The following ABCA13 variants were observed in gnomAD, a reference collection of about 807,000 sequenced individuals.
ABCA13 encodes the protein ATP-binding cassette sub-family A member 13.
ABCA13 carries 476 observed loss-of-function variants against 478.7 expected under a neutral mutation model. That is an observed-to-expected ratio of 0.99 (90% CI 0.92 to 1.07). The LOEUF (loss-of-function observed/expected upper bound fraction) is 1.07. Ranked by LOEUF, ABCA13 falls within the 50% of genes least tolerant of loss-of-function variation. The probability of loss-of-function intolerance (pLI) is 0.00; values close to 1 mark genes in which losing one functional copy is unlikely to be tolerated. For missense variants in ABCA13, 6,060 were observed against 5,910.6 expected, an observed-to-expected ratio of 1.03 and a Z score of -0.83; for synonymous variants, 2,252 against 2,158.9, an observed-to-expected ratio of 1.04 and a Z score of -1.20.
intron 32 of ABCA13, among the ~76,000 whole-genome samples, chr7:48,369,012 C>T (rs1329148340): frequency 2.0e-5 from 3 of 152,044 alleles, no homozygotes; most frequent in African/African-American, 7.2e-5. Flanking sequence ...AATTTACATT[C>T]CCACCAACAG....
intron 43 of ABCA13, among the ~76,000 whole-genome samples, chr7:48,457,428 T>C (rs987051455): frequency 6.6e-6 from 1 of 152,186 alleles, no homozygotes; most frequent in East Asian, 1.9e-4. Flanking sequence ...CCATTTTCAG[T>C]TGACTCCAGA....
intron 41 of ABCA13, among the ~76,000 whole-genome samples, chr7:48,426,719 C>A (rs1465013781): frequency 1.3e-5 from 2 of 152,102 alleles, no homozygotes; most frequent in Non-Finnish European, 2.9e-5. Context: ...GAGAGAGTGG[C>A]AATGCACAGT....
At chr7:48,362,816 TA>T in intron 31 of ABCA13, among the ~76,000 whole-genome samples, 1 of 152,122 alleles carries the variant, frequency 6.6e-6, no homozygotes, top group Non-Finnish European at 1.5e-5. Context: ...CTGGTATTGT[TA>T]ATCTTACTTA....
intron 42 of ABCA13, among the ~76,000 whole-genome samples, chr7:48,440,355 A>G (rs2129163484): frequency 6.6e-6 from 1 of 152,222 alleles, no homozygotes; most frequent in Middle Eastern, 3.4e-3. Flanking sequence ...AAGGAATCAT[A>G]CAGTATATAT....
rs1796255384 is a variant in ABCA13 at position 48,276,011 on chromosome 7, A to G, written c.6345A>G (p.Thr2115=). The G allele has an allele frequency of 9.9e-6, 16 of 1,611,610 alleles. No homozygotes were observed. The East Asian group carries it at 2.0e-4, about 20-fold the overall frequency. Reference sequence around the variant, plus strand: ...TCCTGGATTCACCGTCATTGAAGACATTAGAAATTATTGAAGATTTTCTAT... The same window carrying G: ...TCCTGGATTCACCGTCATTGAAGACGTTAGAAATTATTGAAGATTTTCTAT... ...LEILDSPSLK[T]LEIIEDFLLV... Residue 2115 remains threonine, a synonymous_variant, in exon 17 of 62, where the codon ACA becomes ACG. Transcript: ENST00000435803.
chr7:48,204,309 A>C lies in ABCA13; in HGVS notation c.287+5949A>C, dbSNP rs986990941. On this transcript the variant is annotated intron_variant, in intron 3 of 61. Coordinates refer to ENST00000435803, the MANE Select transcript of ABCA13 (RefSeq NM_152701.5). ...ACTGCAACCTCCGCCTCCCGGGTTC[A>C]AGCGATTCTCCTGCCTCAACCTCCT... Among the ~76,000 whole-genome samples, 5 of 151,568 alleles carry C rather than the reference A, an allele frequency of 3.3e-5. No individual in the cohort carries two copies. The East Asian group carries it at 9.8e-4, about 30-fold the overall frequency.
At chr7:48,623,271 C>T (rs567651195) in intron 59 of ABCA13, among the ~76,000 whole-genome samples, 2 of 152,282 alleles carry the variant, frequency 1.3e-5, no homozygotes, top group East Asian at 1.9e-4. Context: ...CTGAGAGACA[C>T]CTCTTGTCAG....
At chr7:48,179,640 C>T (rs974865574) in intron 1 of ABCA13, among the ~76,000 whole-genome samples, 1 of 152,144 alleles carries the variant, frequency 6.6e-6, no homozygotes, top group Admixed American at 6.5e-5. Context: ...AGCCAGGAGG[C>T]ACGGTGCTCT....
intron 8 of ABCA13, 50 bp from the exon 9 acceptor site, chr7:48,239,191 G>A (rs745550291): frequency 1.1e-5 from 18 of 1,592,532 alleles, no homozygotes; most frequent in Non-Finnish European, 1.4e-5. Flanking sequence ...GAAGAGGAAG[G>A]TTCTAGGAAA....
At chr7:48,427,999 AG>A (rs1261299845) in intron 42 of ABCA13, 128 bp downstream of exon 42, 5 of 559,094 alleles carry the variant, frequency 8.9e-6, no homozygotes, top group Non-Finnish European at 1.2e-5. Context: ...GTGTATAGTG[AG>A]GGGGCAAGTA....
intron 19 of ABCA13, among the ~76,000 whole-genome samples, chr7:48,284,460 A>G (rs1427935694): frequency 6.6e-6 from 1 of 152,248 alleles, no homozygotes; most frequent in African/African-American, 2.4e-5. Context: ...TGGTTGGTAC[A>G]TGATTTCAGC....
rs549288853 is a variant in ABCA13, at chr7:48,399,213, C to G, written c.11874-4470C>G. Reference sequence around the variant, plus strand: ...AGTGAGGTCAAGAGAAAAAATGCTCCTCTTCCATTCAAATAATTCAAAGAC... The same window carrying G: ...AGTGAGGTCAAGAGAAAAAATGCTCGTCTTCCATTCAAATAATTCAAAGAC... On this transcript the variant is annotated intron_variant, in intron 38 of 61. Coordinates refer to ENST00000435803, the MANE Select transcript of ABCA13 (RefSeq NM_152701.5). Among the ~76,000 whole-genome samples the G allele has an allele frequency of 2.0e-5, 3 of 152,318 alleles. No individual in the cohort carries two copies. The South Asian group carries it at 6.2e-4, about 32-fold the overall frequency.
chr7:48,282,772 G>A (rs1486153466), intron 19 of ABCA13, among the ~76,000 whole-genome samples: 3 of 152,062 alleles, frequency 2.0e-5, no homozygotes, highest in Non-Finnish European at 4.4e-5. Flanking sequence ...GGGTCACATG[G>A]CCTTAGCTCC....
chr7:48,426,154 C>CTTA (rs1221354659), intron 41 of ABCA13, among the ~76,000 whole-genome samples: 1 of 151,940 alleles, frequency 6.6e-6, no homozygotes, highest in Admixed American at 6.5e-5. Context: ...CATTCTTCTT[C>CTTA]TTATTATTAT....
At chr7:48,346,554 CTATTTTCTAGTTGT>C in intron 29 of ABCA13, among the ~76,000 whole-genome samples, 1 of 150,504 alleles carries the variant, frequency 6.6e-6, no homozygotes, top group South Asian at 2.1e-4. Context: ...TTTTGGTTTT[CTATTTTCTAGTTGT>C]TATGCTTACT....
chr7:48,273,602 T>G lies in ABCA13; in HGVS notation c.3936T>G (p.Asn1312Lys). The G allele has an allele frequency of 6.3e-7, 1 of 1,594,432 alleles. No homozygotes were observed. ...CAATAAATGACTTTCTTTCAAATAA[T>G]CTCACAAATTATGGAGAAAAATTTG... Reference protein sequence around the residue: ...LDSINDFLSNNLTNYGEKFEN... With the variant: ...LDSINDFLSNKLTNYGEKFEN... Residue 1312 changes from asparagine to lysine, a missense_variant, in exon 17 of 62, where the codon AAT becomes AAG. Around this residue, in one of 3 missense-constraint regions of ABCA13, gnomAD observed 4,423 missense variants for 4,309.1 expected, o/e 1.03. Transcript: ENST00000435803.
chr7:48,616,967 G>A (rs1024242308), intron 59 of ABCA13, among the ~76,000 whole-genome samples: 54 of 152,260 alleles, frequency 3.5e-4, no homozygotes, highest in African/African-American at 1.2e-3. Flanking sequence ...CCAAGAGATC[G>A]AGGCTGCAGT....
rs765688932 is a variant in ABCA13, at chr7:48,391,995, T to C, written c.11729T>C (p.Leu3910Pro). 3 of 1,614,004 alleles carry C rather than the reference T, an allele frequency of 1.9e-6. No individual in the cohort carries two copies. The South Asian group carries it at 3.3e-5, about 18-fold the overall frequency. ...IINGKNLQTD[L>P]SRVRMELGVC... ...AATGGCAAGAACCTACAGACAGACCTGTCGAGGGTCAGAATGGAGCTTGGT... is the reference window on the plus strand; with the variant it reads ...AATGGCAAGAACCTACAGACAGACCCGTCGAGGGTCAGAATGGAGCTTGGT... Residue 3910 changes from leucine to proline, a missense_variant, in exon 38 of 62, where the codon CTG becomes CCG. By Grantham distance (98) the Leu-to-Pro change is moderately conservative. Coordinates refer to ENST00000435803, the MANE Select transcript of ABCA13 (RefSeq NM_152701.5).
At chr7:48,572,563 T>A (rs1023622572) in intron 55 of ABCA13, among the ~76,000 whole-genome samples, 3 of 152,148 alleles carry the variant, frequency 2.0e-5, no homozygotes, top group Non-Finnish European at 4.4e-5. Flanking sequence ...ATTTTTAAAT[T>A]TTATTTAAAA....
Sources: allele counts gnomAD v4.1 joint callset (sites outside exome capture counted in the v4.1 genomes callset), GRCh38; gene constraint gnomAD v4.1.1; regional missense constraint gnomAD v4.1.1; transcripts MANE v1.5; gene names NCBI Gene and HGNC (gene_info 2026-07-23, HGNC 2026-07-21).